MPPED2: variants seen among roughly 807,000 people sequenced by gnomAD.
MPPED2 encodes metallophosphoesterase MPPED2.
MPPED2 carries 5 observed loss-of-function variants against 33.0 expected under a neutral mutation model. That is an observed-to-expected ratio of 0.15 (90% CI 0.08 to 0.32). The LOEUF is 0.32. Among genes scored for constraint, MPPED2 ranks in the 10% least tolerant of loss-of-function variants. The pLI is 1.00. For missense variants in MPPED2, 275 were observed against 372.1 expected, an observed-to-expected ratio of 0.74 and a Z score of 2.15; for synonymous variants, 136 against 141.9, an observed-to-expected ratio of 0.96 and a Z score of 0.29.
chr11:30,526,042 T>C (rs1053357874), intron 3 of MPPED2, among the ~76,000 whole-genome samples: 1 of 152,192 alleles, frequency 6.6e-6, no homozygotes, highest in African/African-American at 2.4e-5. Context: ...GTTATCAAAA[T>C]TGAACTACAC....
intron 4 of MPPED2, among the ~76,000 whole-genome samples, chr11:30,491,945 C>T (rs189406551): frequency 6.6e-6 from 1 of 152,240 alleles, no homozygotes; most frequent in African/African-American, 2.4e-5. Flanking sequence ...TTAAAGATCT[C>T]CCTCATTGTA....
chr11:30,516,911 C>A (rs1319313907), intron 3 of MPPED2, among the ~76,000 whole-genome samples: 2 of 152,170 alleles, frequency 1.3e-5, no homozygotes, highest in African/African-American at 4.8e-5. Context: ...CATTCCCCAA[C>A]AATTTCTCCA....
rs1565039770 is a variant in MPPED2 at position 30,411,002 on chromosome 11, CT to C, written c.*465del. On this transcript the variant is annotated 3_prime_UTR_variant, in exon 7 of 7. Transcript: ENST00000358117. Reference sequence around the variant, plus strand: ...AGATTGCTATAAATTGGGACCACATCTGCAAAAAAGAAGCATTACCAAGAAA... The same window carrying C: ...AGATTGCTATAAATTGGGACCACATCGCAAAAAAGAAGCATTACCAAGAAA... 1.0e-6 allele frequency: 1 copy of C among 985,740 alleles called. No homozygotes were observed. Among genetic ancestry groups the C allele is most frequent in the Non-Finnish European group, 1.2e-6 (1 of 829,942 alleles). The allele number at this position is 985,740 out of a possible 1,614,324, so 61.1% of individuals were successfully genotyped here. A position where few individuals can be genotyped will look rare whatever the true frequency, so the allele number is the denominator to read the frequency against.
chr11:30,414,404 T>A, intron 5 of MPPED2, 63 bp from the exon 6 acceptor site: 1 of 1,055,654 alleles, frequency 9.5e-7, no homozygotes, highest in Non-Finnish European at 1.5e-6. Context: ...TCATTTAGAC[T>A]TTCAGGAAGC....
chr11:30,537,918 C>G (rs117111303), intron 2 of MPPED2, among the ~76,000 whole-genome samples: 1 of 152,000 alleles, frequency 6.6e-6, no homozygotes, highest in Non-Finnish European at 1.5e-5. Context: ...GTCTTCCTTT[C>G]CATCACTGAG....
In MPPED2 at chr11:30,520,467, G is replaced by T. The variant is rs79517737; in HGVS notation, c.310+15527C>A. 2.0e-3 allele frequency among the ~76,000 whole-genome samples: 311 copies of T among 152,182 alleles called. 2 individuals carry two copies. Among genetic ancestry groups the T allele is most frequent in the African/African-American group, 7.2e-3 (298 of 41,530 alleles). On this transcript the variant is annotated intron_variant, in intron 3 of 6. Transcript: ENST00000358117. ...GGCAAACAAAAAGAATGTTCATTTG[G>T]GGGACAAATCAAAACAGAAGACTTC...
At chr11:30,478,298 A>G (rs1280541365) in intron 4 of MPPED2, among the ~76,000 whole-genome samples, 2 of 152,274 alleles carry the variant, frequency 1.3e-5, no homozygotes, top group Non-Finnish European at 2.9e-5. Flanking sequence ...TTTTGTATTA[A>G]GTTCGAAACC....
At chr11:30,540,857 C>A (rs1027523183) in intron 2 of MPPED2, among the ~76,000 whole-genome samples, 2 of 152,196 alleles carry the variant, frequency 1.3e-5, no homozygotes, top group Admixed American at 1.3e-4. Context: ...CCCCGGAAAT[C>A]ATCTCCACTC....
chr11:30,567,991 A>T (rs1345558624), intron 2 of MPPED2, among the ~76,000 whole-genome samples: 1 of 152,214 alleles, frequency 6.6e-6, no homozygotes, highest in Non-Finnish European at 1.5e-5. Flanking sequence ...AAAGGCACGA[A>T]AAAACTTATA....
intron 2 of MPPED2, among the ~76,000 whole-genome samples, chr11:30,552,683 G>A (rs1467020505): frequency 2.6e-5 from 4 of 151,918 alleles, no homozygotes; most frequent in African/African-American, 4.8e-5. Context: ...CTTTATAAAC[G>A]TTTTCACTGG....
chr11:30,554,319 T>C (rs1175579624), intron 2 of MPPED2, among the ~76,000 whole-genome samples: 3 of 152,188 alleles, frequency 2.0e-5, no homozygotes, highest in South Asian at 2.1e-4. Flanking sequence ...ACTTCAATTC[T>C]AGTAAATGGG....
chr11:30,558,358 G>A (rs80034511), intron 2 of MPPED2, among the ~76,000 whole-genome samples: 96 of 151,770 alleles, frequency 6.3e-4, no homozygotes, highest in African/African-American at 2.3e-3. Flanking sequence ...TTACTTATAT[G>A]TACTTTGTAA....
intron 4 of MPPED2, among the ~76,000 whole-genome samples, chr11:30,476,165 A>T (rs182758817): frequency 3.9e-4 from 60 of 152,060 alleles, no homozygotes; most frequent in African/African-American, 1.4e-3. Flanking sequence ...ATCCAGATTT[A>T]TAGGTTGAAA....
At chr11:30,441,405 G>C (rs1949566527) in intron 4 of MPPED2, 1 of 152,136 alleles carries the variant, frequency 6.6e-6, no homozygotes, top group African/African-American at 2.4e-5. Flanking sequence ...AAGATCATCT[G>C]TTCTATGTGG....
chr11:30,507,766 C>T (rs1242960927), intron 3 of MPPED2, among the ~76,000 whole-genome samples: 3 of 152,108 alleles, frequency 2.0e-5, no homozygotes, highest in Non-Finnish European at 4.4e-5. Flanking sequence ...TGTTTTGGTT[C>T]CACTGGAACA....
intron 4 of MPPED2, among the ~76,000 whole-genome samples, chr11:30,490,321 A>G (rs1390004949): frequency 6.6e-6 from 1 of 152,124 alleles, no homozygotes; most frequent in African/African-American, 2.4e-5. Flanking sequence ...CTTCTTCTGC[A>G]CTCCCAAAAA....
intron 6 of MPPED2, among the ~76,000 whole-genome samples, chr11:30,392,033 G>C (rs1947784404): frequency 6.6e-6 from 1 of 152,222 alleles, no homozygotes; most frequent in East Asian, 1.9e-4. Context: ...CAAAGAAGTA[G>C]TTGTGAGAAT....
chr11:30,436,370 G>A (rs759460976), intron 4 of MPPED2, among the ~76,000 whole-genome samples: 29 of 152,170 alleles, frequency 1.9e-4, no homozygotes, highest in Non-Finnish European at 3.7e-4. Context: ...ATAGGATGGA[G>A]CCAAAGAACT....
chr11:30,580,530 A>G (rs1467664015), intron 1 of MPPED2, 36 bp from the exon 2 acceptor site: 2 of 1,411,460 alleles, frequency 1.4e-6, no homozygotes, highest in Non-Finnish European at 1.8e-6. Flanking sequence ...AAATGAGAAC[A>G]AAGAGAAAAA....
Sources: allele counts gnomAD v4.1 joint callset (sites outside exome capture counted in the v4.1 genomes callset), GRCh38; gene constraint gnomAD v4.1.1; transcripts MANE v1.5; gene names NCBI Gene and HGNC (gene_info 2026-07-23, HGNC 2026-07-21).